The following BMP8A variants were observed in gnomAD, a reference collection of about 807,000 sequenced individuals.
The protein encoded by BMP8A is bone morphogenetic protein 8a.
BMP8A carries 14 observed loss-of-function variants against 36.8 expected under a neutral mutation model. The ratio of observed to expected loss-of-function variants is 0.38; its 90% CI spans 0.25 to 0.60. The LOEUF (loss-of-function observed/expected upper bound fraction) is 0.60. BMP8A is among the 20% of genes least tolerant of loss of function. The pLI is 0.63. For synonymous variants in BMP8A, 120 were observed against 237.7 expected (o/e 0.50, Z 4.55); for missense variants, 267 against 551.1 (o/e 0.48, Z 5.16).
chr1:39,497,301 C>A (rs1246611524), intron 1 of BMP8A, among the ~76,000 whole-genome samples: 1 of 152,188 alleles, frequency 6.6e-6, no homozygotes, highest in Non-Finnish European at 1.5e-5. Context: ...TGTTTAAAGT[C>A]CCTGAAACTC....
intron 6 of BMP8A, 124 bp downstream of exon 6, chr1:39,523,241 CAG>C (rs148144829): frequency 0.037 from 43,513 of 1,186,152 alleles, 2,488 homozygotes; most frequent in East Asian, 0.29. Context: ...TTTGTCTGCA[CAG>C]AGTCAGTAAC....
At chr1:39,497,730 C>A (rs1645217410) in intron 1 of BMP8A, among the ~76,000 whole-genome samples, 1 of 152,120 alleles carries the variant, frequency 6.6e-6, no homozygotes, top group Non-Finnish European at 1.5e-5. Context: ...AGGACCAATT[C>A]TGACTCTTCC....
At chr1:39,523,456 T>A in intron 6 of BMP8A, 1 of 1,240,716 alleles carries the variant, frequency 8.1e-7, no homozygotes, top group Non-Finnish European at 1.1e-6. Context: ...GTACACTGTG[T>A]GGGGGCTGTG....
intron 1 of BMP8A, among the ~76,000 whole-genome samples, chr1:39,494,297 TTTTTC>T (rs1182790457): frequency 1.4e-4 from 21 of 152,208 alleles, no homozygotes; most frequent in South Asian, 4.1e-4. Flanking sequence ...GCATGTGAAC[TTTTTC>T]TTTTCTTTTC....
At position 39,528,368 on chromosome 1, in the gene BMP8A, C is replaced by T. The variant is rs1317371934; in HGVS notation, c.*2570C>T. Among the ~76,000 whole-genome samples, 1 of 152,160 alleles carries T rather than the reference C, an allele frequency of 6.6e-6. No homozygotes were observed. Among genetic ancestry groups the T allele is most frequent in the Admixed American group, 6.5e-5 (1 of 15,270 alleles). On this transcript the variant is annotated 3_prime_UTR_variant, in exon 7 of 7. Coordinates refer to ENST00000331593, the MANE Select transcript of BMP8A (RefSeq NM_181809.4). ...AGGTCATCTTCTGGCCTGGTTGCCT[C>T]CCACAGCCCAGGATGCATTCAAGGC... is the stretch of plus-strand genomic sequence containing the variant.
Position 39,492,125 on chromosome 1 carries a change from A to G in BMP8A, c.134A>G (p.Gln45Arg). 8.2e-7 allele frequency: 1 copy of G among 1,221,244 alleles called. No individual in the cohort carries two copies. Among genetic ancestry groups the G allele is most frequent in the Non-Finnish European group, 1.0e-6 (1 of 983,370 alleles). 75.7% of individuals were successfully genotyped at this position (1,221,244 alleles called of 1,614,324 possible). A position where few individuals can be genotyped will look rare whatever the true frequency, so the allele number is the denominator to read the frequency against. ...GGCGCGCGCGAGCGCCGGGACGTGCAGCGCGAGATCCTGGCGGTGCTCGGG... is the reference window on the plus strand; with the variant it reads ...GGCGCGCGCGAGCGCCGGGACGTGCGGCGCGAGATCCTGGCGGTGCTCGGG... ...RLGARERRDVQREILAVLGLP... is the reference protein window; with the variant it reads ...RLGARERRDVRREILAVLGLP... Residue 45 changes from glutamine to arginine, a missense_variant, in exon 1 of 7, where the codon CAG becomes CGG. Coordinates refer to ENST00000331593, the MANE Select transcript of BMP8A (RefSeq NM_181809.4).
Position 39,523,629 on chromosome 1 carries a change from G to T in BMP8A, c.1059+512G>T, listed in dbSNP as rs1570316273. 7.6e-6 allele frequency: 11 copies of T among 1,445,994 alleles called. No individual in the cohort carries two copies. The South Asian group carries it at 1.6e-4, about 21-fold the overall frequency. 89.6% of individuals were successfully genotyped at this position (1,445,994 alleles called of 1,614,324 possible). A position where few individuals can be genotyped will look rare whatever the true frequency, so the allele number is the denominator to read the frequency against. The stretch of plus-strand genomic sequence containing the variant: ...CTCAACCTTTTGGCTTTTTCCCGCA[G>T]TTTCTCTCTTGGCTGTCTGTGTTTT... On this transcript the variant is annotated intron_variant, in intron 6 of 6. Coordinates refer to ENST00000331593, the MANE Select transcript of BMP8A (RefSeq NM_181809.4).
At position 39,506,298 on chromosome 1, in the gene BMP8A, C is replaced by G. The variant is rs1465014837; in HGVS notation, c.335-4876C>G. Among the ~76,000 whole-genome samples the G allele has an allele frequency of 2.6e-5, 4 of 152,096 alleles. No individual in the cohort carries two copies. The East Asian group carries it at 7.7e-4, about 29-fold the overall frequency. On this transcript the variant is annotated intron_variant, in intron 1 of 6. Coordinates refer to ENST00000331593, the MANE Select transcript of BMP8A (RefSeq NM_181809.4). ...AATCTTGGCTCACTGCAACCTCTGC[C>G]TCCCAGGTTCAAGCAGTTCTATGCC...
chr1:39,497,255 G>C (rs372264982), intron 1 of BMP8A, among the ~76,000 whole-genome samples: 1 of 152,108 alleles, frequency 6.6e-6, no homozygotes, highest in Non-Finnish European at 1.5e-5. Flanking sequence ...TTAATCTTGC[G>C]TGTGCCATTT....
chr1:39,522,108 A>G (rs1645431567), intron 4 of BMP8A, among the ~76,000 whole-genome samples: 1 of 136,116 alleles, frequency 7.3e-6, no homozygotes, highest in South Asian at 2.6e-4. Context: ...GAGGAGGCAC[A>G]GGATGGCCGA....
intron 1 of BMP8A, among the ~76,000 whole-genome samples, chr1:39,499,329 G>C (rs549820057): frequency 2.1e-4 from 32 of 152,360 alleles, no homozygotes; most frequent in Non-Finnish European, 4.7e-4. Flanking sequence ...GGCCAGCGCA[G>C]GGAGGGCCCT....
chr1:39,507,257 G>C (rs539860593), intron 1 of BMP8A, among the ~76,000 whole-genome samples: 1 of 152,302 alleles, frequency 6.6e-6, no homozygotes, highest in African/African-American at 2.4e-5. Flanking sequence ...CTGACAGGGA[G>C]CCCTGGAATT....
At chr1:39,495,804 C>T (rs1263807150) in intron 1 of BMP8A, among the ~76,000 whole-genome samples, 4 of 151,786 alleles carry the variant, frequency 2.6e-5, no homozygotes, top group African/African-American at 7.3e-5. Flanking sequence ...CTTCTGAATC[C>T]TTCTCCACCC....
rs1292610103 is a variant in BMP8A at position 39,524,479 on chromosome 1, G to A, written c.1060-1170G>A. Reference sequence around the variant, plus strand: ...AGCCTCTCCACACAAGGAGGGGCACGTCAGCAGCTGGAGGAGGAATGTTCC... The same window carrying A: ...AGCCTCTCCACACAAGGAGGGGCACATCAGCAGCTGGAGGAGGAATGTTCC... On this transcript the variant is annotated intron_variant, in intron 6 of 6. Transcript: ENST00000331593. This position sits in a 1 kb window ranked among gnomAD's most constrained non-coding sequence, Gnocchi z 4.0. Among the ~76,000 whole-genome samples the A allele has an allele frequency of 3.3e-5, 5 of 152,172 alleles. No individual in the cohort carries two copies. The highest frequency in any genetic ancestry group is 9.7e-5 in the African/African-American group (4 of 41,440).
Position 39,515,158 on chromosome 1 carries a change from GGATCCCCGAGAACCT to G in BMP8A, c.673+3259_673+3273del, listed in dbSNP as rs1189961509. The G allele has an allele frequency of 3.9e-6, 6 of 1,550,668 alleles. No individual in the cohort carries two copies. In the African/African-American group the frequency reaches 6.9e-5, roughly 18 times the overall value. On this transcript the variant is annotated intron_variant, in intron 3 of 6. Transcript: ENST00000331593. The stretch of plus-strand genomic sequence containing the variant: ...ATGATCGGGGGCTTCGGGCTCTGCG[GGATCCCCGAGAACCT>G]GATCGCCGCGCTGCTCAGGACCCGC...
intron 1 of BMP8A, among the ~76,000 whole-genome samples, chr1:39,499,590 G>A (rs985682237): frequency 6.6e-6 from 1 of 152,272 alleles, no homozygotes; most frequent in African/African-American, 2.4e-5. Context: ...GCCTAGCCTG[G>A]AGTGGCTGGT....
intron 1 of BMP8A, among the ~76,000 whole-genome samples, chr1:39,499,741 G>C (rs1398197455): frequency 6.6e-6 from 1 of 152,174 alleles, no homozygotes; most frequent in Non-Finnish European, 1.5e-5. Context: ...CGGTGAGGTG[G>C]TTCAGAAAGT....
At chr1:39,519,969 C>T (rs1157653392) in intron 3 of BMP8A, among the ~76,000 whole-genome samples, 1 of 117,106 alleles carries the variant, frequency 8.5e-6, no homozygotes, top group Non-Finnish European at 1.8e-5. Flanking sequence ...CACCCATGCA[C>T]GGAGTGAAGA....
At chr1:39,498,580 G>C (rs1237154644) in intron 1 of BMP8A, among the ~76,000 whole-genome samples, 2 of 152,210 alleles carry the variant, frequency 1.3e-5, no homozygotes, top group African/African-American at 4.8e-5. Flanking sequence ...AAATACCTCA[G>C]CATGGAGCCC....
Sources: gnomAD v4.1 joint callset for allele counts (sites outside exome capture counted in the v4.1 genomes callset) on GRCh38, gnomAD v4.1.1 for gene constraint, Gnocchi (gnomAD v3.1) non-coding constraint, MANE v1.5 for transcripts, NCBI Gene and HGNC (gene_info 2026-07-23, HGNC 2026-07-21) for gene names.